The following RERE variants were observed in gnomAD, a reference collection of about 807,000 sequenced individuals.
RERE encodes the protein arginine-glutamic acid dipeptide repeats.
Under a neutral mutation model 146.1 loss-of-function variants are expected in RERE, and 40 were observed. The observed-to-expected ratio is 0.27, with a 90% CI of 0.21 to 0.36. The LOEUF (loss-of-function observed/expected upper bound fraction) is 0.36, where lower values mean the gene tolerates loss of function less well. RERE is among the 10% of genes least tolerant of loss of function. RERE has a pLI of 1.00. For missense variants in RERE, 1,933 were observed against 2,138.7 expected, an observed-to-expected ratio of 0.90 and a Z score of 1.90; for synonymous variants, 1,003 against 866.0, an observed-to-expected ratio of 1.16 and a Z score of -2.78.
chr1:8,554,220 A>C (rs183400521), intron 6 of RERE, among the ~76,000 whole-genome samples: 1 of 152,196 alleles, frequency 6.6e-6, no homozygotes, highest in East Asian at 1.9e-4. Flanking sequence ...AATACCAATG[A>C]TAAGTACTCA....
intron 11 of RERE, among the ~76,000 whole-genome samples, chr1:8,438,895 A>G (rs1017111303): frequency 3.3e-5 from 5 of 152,236 alleles, no homozygotes; most frequent in African/African-American, 1.2e-4. Context: ...GTTTACAACA[A>G]AACTCTCTAA....
intron 7 of RERE, among the ~76,000 whole-genome samples, chr1:8,512,384 G>C (rs749026949): frequency 2.0e-5 from 3 of 151,308 alleles, no homozygotes; most frequent in Non-Finnish European, 4.4e-5. Context: ...ACTACATTTT[G>C]TCTTTTACTT....
rs562468736 is a variant in RERE, at chr1:8,600,022, G to A, written c.522+14539C>T. Among the ~76,000 whole-genome samples, 10 of 152,326 alleles carry A rather than the reference G, an allele frequency of 6.6e-5. No individual in the cohort carries two copies. In the East Asian group the frequency reaches 9.6e-4, roughly 15 times the overall value. ...CCCACGTGCCAAGGACGGGGGCTGG[G>A]TGGAGATAAATGGATCACGGCGGCG... On this transcript the variant is annotated intron_variant, in intron 4 of 22. Transcript: ENST00000400908.
At chr1:8,677,891 C>T (rs1638879375) in intron 1 of RERE, among the ~76,000 whole-genome samples, 1 of 152,236 alleles carries the variant, frequency 6.6e-6, no homozygotes, top group Non-Finnish European at 1.5e-5. Flanking sequence ...TAGAATTCCA[C>T]AGCACAGAGG....
chr1:8,415,430 A>C (rs1206153890), intron 12 of RERE, among the ~76,000 whole-genome samples: 1 of 152,224 alleles, frequency 6.6e-6, no homozygotes, highest in Admixed American at 6.5e-5. Flanking sequence ...ATTTTGTTCA[A>C]TAACACTTTA....
Position 8,636,159 on chromosome 1 carries a change from T to A in RERE, c.326-11779A>T, listed in dbSNP as rs1647099698. On this transcript the variant is annotated intron_variant, in intron 2 of 22. Transcript: ENST00000400908. ...ATGCACCACAACACCCGGCTAATTT[T>A]GTATTTTTAGTAGAGACAGGGTTTC... 2.0e-5 allele frequency among the ~76,000 whole-genome samples: 3 copies of A among 152,320 alleles called. No homozygotes were observed. In the South Asian group the frequency reaches 6.2e-4, roughly 32 times the overall value.
At chr1:8,616,927 C>G (rs1338401820) in intron 3 of RERE, among the ~76,000 whole-genome samples, 1 of 152,188 alleles carries the variant, frequency 6.6e-6, no homozygotes, top group Admixed American at 6.5e-5. Flanking sequence ...AGGTTGACAT[C>G]AGTATCATGC....
intron 16 of RERE, 97 bp from the exon 17 acceptor site, chr1:8,361,973 C>A: frequency 1.2e-6 from 1 of 837,740 alleles, no homozygotes; most frequent in South Asian, 1.6e-5. Flanking sequence ...TTTGCTCCCT[C>A]ATTCTGAGTT....
intron 8 of RERE, among the ~76,000 whole-genome samples, chr1:8,505,903 T>C (rs1360034582): frequency 6.6e-6 from 1 of 152,224 alleles, no homozygotes; most frequent in African/African-American, 2.4e-5. Flanking sequence ...CATTTCTTTT[T>C]GAAAATGAAG....
rs968110677 is a variant in RERE, at chr1:8,360,965, C to T, written c.2542G>A (p.Gly848Ser). 1.9e-5 allele frequency: 27 copies of T among 1,444,914 alleles called. No homozygotes were observed. Among genetic ancestry groups the T allele is most frequent in the African/African-American group, 8.7e-5 (6 of 69,212 alleles). 89.5% of individuals were successfully genotyped at this position (1,444,914 alleles called of 1,614,324 possible). A position where few individuals can be genotyped will look rare whatever the true frequency, so the allele number is the denominator to read the frequency against. ...APSHAQPPLH[G>S]QGPPGPHSLQ... ...CTGTGAGGGCCGGGTGGGCCCTGAC[C>T]GTGCAGTGGGGGCTGGGCATGAGAG... is the stretch of plus-strand genomic sequence containing the variant. Residue 848 changes from glycine to serine, a missense_variant, in exon 18 of 23, where the codon GGT (glycine) becomes AGT (serine). Gly to Ser is a moderately conservative substitution (Grantham distance 56). This residue lies in a region of RERE where 1,255 missense variants were observed against 1,153.8 expected (regional missense o/e 1.09). Coordinates refer to ENST00000400908, the MANE Select transcript of RERE (RefSeq NM_001042681.2).
intron 11 of RERE, among the ~76,000 whole-genome samples, chr1:8,452,785 G>A (rs1362513439): frequency 6.6e-6 from 1 of 152,118 alleles, no homozygotes; most frequent in Non-Finnish European, 1.5e-5. Flanking sequence ...TATTTTTAAG[G>A]TAAATTTAAT....
At chr1:8,405,170 G>A (rs1643403425) in intron 12 of RERE, among the ~76,000 whole-genome samples, 1 of 152,234 alleles carries the variant, frequency 6.6e-6, no homozygotes, top group South Asian at 2.1e-4. Flanking sequence ...TCTGCTGGTA[G>A]CGGTATGCCA....
chr1:8,456,197 C>G (rs1644451520), intron 11 of RERE, among the ~76,000 whole-genome samples: 1 of 152,176 alleles, frequency 6.6e-6, no homozygotes, highest in African/African-American at 2.4e-5. Flanking sequence ...TGAGATGACT[C>G]TTTTCATTAG....
At chr1:8,605,545 T>TC (rs1646692840) in intron 4 of RERE, among the ~76,000 whole-genome samples, 1 of 151,934 alleles carries the variant, frequency 6.6e-6, no homozygotes, top group East Asian at 1.9e-4. Context: ...GGTCAGGACT[T>TC]CGAGACCACC....
At chr1:8,664,101 G>A (rs1417892180) in intron 1 of RERE, among the ~76,000 whole-genome samples, 1 of 152,142 alleles carries the variant, frequency 6.6e-6, no homozygotes, top group Admixed American at 6.5e-5. Context: ...CAAGGACCAT[G>A]TCTACCATGT....
chr1:8,612,885 T>C (rs1570513182), intron 4 of RERE, among the ~76,000 whole-genome samples: 1 of 152,228 alleles, frequency 6.6e-6, no homozygotes, highest in Non-Finnish European at 1.5e-5. Flanking sequence ...TAGACTTTTA[T>C]CTATACTACA....
chr1:8,446,228 G>A (rs1283237399), intron 11 of RERE, among the ~76,000 whole-genome samples: 6 of 152,146 alleles, frequency 3.9e-5, no homozygotes, highest in Non-Finnish European at 5.9e-5. Context: ...GCAGAGATCC[G>A]CTGATAGTCT....
chr1:8,745,086 A>G (rs1056753490), intron 1 of RERE, among the ~76,000 whole-genome samples: 5 of 152,058 alleles, frequency 3.3e-5, no homozygotes, highest in African/African-American at 1.2e-4. Context: ...TCCTCACCCA[A>G]ATCTCATCTT....
At chr1:8,371,458 A>C (rs1642032655) in intron 12 of RERE, among the ~76,000 whole-genome samples, 1 of 152,230 alleles carries the variant, frequency 6.6e-6, no homozygotes, top group African/African-American at 2.4e-5. Flanking sequence ...AAGAAGTAGT[A>C]AGCTGCTTGG....
Sources: allele counts gnomAD v4.1 joint callset (sites outside exome capture counted in the v4.1 genomes callset), GRCh38; gene constraint gnomAD v4.1.1; regional missense constraint gnomAD v4.1.1; transcripts MANE v1.5; gene names NCBI Gene and HGNC (gene_info 2026-07-23, HGNC 2026-07-21).